The following TTPA variants were observed in gnomAD, a reference collection of about 807,000 sequenced individuals.
TTPA encodes alpha tocopherol transfer protein.
Under a neutral mutation model 25.9 loss-of-function variants are expected in TTPA, and 23 were observed. That is an observed-to-expected ratio of 0.89 (90% CI 0.64 to 1.26). The LOEUF is 1.26. Ranked by LOEUF, TTPA falls within the 50% of genes most tolerant of loss-of-function variation. The probability of loss-of-function intolerance (pLI) is 0.00; values close to 1 mark genes in which losing one functional copy is unlikely to be tolerated. For synonymous variants in TTPA, 148 were observed against 137.3 expected (o/e 1.08, Z -0.54); for missense variants, 337 against 353.1 (o/e 0.95, Z 0.37).
intron 1 of TTPA, among the ~76,000 whole-genome samples, chr8:63,084,292 A>G (rs1202349267): frequency 6.6e-6 from 1 of 152,212 alleles, no homozygotes; most frequent in East Asian, 1.9e-4. Context: ...TATCCTGTAA[A>G]TTTATATTCC....
intron 1 of TTPA, among the ~76,000 whole-genome samples, chr8:63,076,060 T>C (rs1397821939): frequency 6.6e-6 from 1 of 152,226 alleles, no homozygotes; most frequent in Non-Finnish European, 1.5e-5. Flanking sequence ...TGCAGTGTAT[T>C]TGACAGCGCA....
chr8:63,076,570 G>A (rs1428054375), intron 1 of TTPA, among the ~76,000 whole-genome samples: 1 of 152,098 alleles, frequency 6.6e-6, no homozygotes, highest in African/African-American at 2.4e-5. Context: ...CAAGGGCATG[G>A]TACAATGAAA....
At chr8:63,082,312 G>A (rs958049657) in intron 1 of TTPA, among the ~76,000 whole-genome samples, 2 of 152,118 alleles carry the variant, frequency 1.3e-5, no homozygotes, top group African/African-American at 4.8e-5. Flanking sequence ...CAATGGAACA[G>A]AACAGAGGCC....
intron 2 of TTPA, among the ~76,000 whole-genome samples, chr8:63,067,517 A>G (rs986817997): frequency 4.0e-5 from 6 of 151,482 alleles, no homozygotes; most frequent in Admixed American, 2.0e-4. Flanking sequence ...AAAAAAAATC[A>G]TAACTAAGCA....
chr8:63,067,065 A>T (rs1183563253), intron 2 of TTPA, among the ~76,000 whole-genome samples: 1 of 152,134 alleles, frequency 6.6e-6, no homozygotes, highest in East Asian at 1.9e-4. Context: ...AAATTCAAAG[A>T]ATTTTTTTAA....
At chr8:63,081,100 C>CA (rs1805657334) in intron 1 of TTPA, among the ~76,000 whole-genome samples, 1 of 151,718 alleles carries the variant, frequency 6.6e-6, no homozygotes, top group Non-Finnish European at 1.5e-5. Context: ...GAAACTATTC[C>CA]AATCAATAGA....
chr8:63,075,430 A>G (rs981127810), intron 1 of TTPA, among the ~76,000 whole-genome samples: 6 of 152,132 alleles, frequency 3.9e-5, no homozygotes, highest in Admixed American at 3.9e-4. Flanking sequence ...TAAGAAAAGT[A>G]AAGCTCCAGC....
chr8:63,083,372 C>T (rs1342173431), intron 1 of TTPA, among the ~76,000 whole-genome samples: 4 of 152,098 alleles, frequency 2.6e-5, no homozygotes, highest in African/African-American at 9.7e-5. Context: ...TCATTCTCAG[C>T]AACTATCACA....
chr8:63,080,854 A>C (rs956560307), intron 1 of TTPA, among the ~76,000 whole-genome samples: 2 of 151,948 alleles, frequency 1.3e-5, no homozygotes, highest in East Asian at 3.8e-4. Flanking sequence ...CCATCAGAGA[A>C]TACTATAAAC....
intron 1 of TTPA, among the ~76,000 whole-genome samples, chr8:63,085,423 G>A (rs1481776518): frequency 6.6e-6 from 1 of 152,218 alleles, no homozygotes; most frequent in Non-Finnish European, 1.5e-5. Flanking sequence ...GGTCACGTGT[G>A]ATAAGTCTGA....
At chr8:63,083,941 G>A (rs1342678761) in intron 1 of TTPA, among the ~76,000 whole-genome samples, 3 of 150,896 alleles carry the variant, frequency 2.0e-5, no homozygotes, top group South Asian at 2.1e-4. Context: ...CTGTGGTGCA[G>A]TAGCACAATC....
intron 3 of TTPA, among the ~76,000 whole-genome samples, chr8:63,064,976 A>G (rs1483483666): frequency 6.6e-6 from 1 of 152,170 alleles, no homozygotes; most frequent in Non-Finnish European, 1.5e-5. Flanking sequence ...TCTTTTAAAC[A>G]TAATTGCTAA....
At chr8:63,071,703 TG>T (rs35713849) in intron 2 of TTPA, among the ~76,000 whole-genome samples, 3 of 152,112 alleles carry the variant, frequency 2.0e-5, no homozygotes, top group Non-Finnish European at 4.4e-5. Flanking sequence ...CCCTCATGAA[TG>T]GGATTAGTGC....
Position 63,061,827 on chromosome 8 carries a change from A to G in TTPA, c.664-402T>C, listed in dbSNP as rs899522826. Reference sequence around the variant, plus strand: ...TAGCTGGTACTAATTCATATTAAGTAGAAGCATATATCTGAGCACACAATT... The same window carrying G: ...TAGCTGGTACTAATTCATATTAAGTGGAAGCATATATCTGAGCACACAATT... On this transcript the variant is annotated intron_variant, in intron 4 of 4. Coordinates refer to ENST00000260116, the MANE Select transcript of TTPA (RefSeq NM_000370.3). Among the ~76,000 whole-genome samples the G allele has an allele frequency of 1.3e-4, 20 of 152,244 alleles. 1 individual carries two copies.
intron 1 of TTPA, among the ~76,000 whole-genome samples, chr8:63,077,848 A>T (rs1314093117): frequency 6.6e-6 from 1 of 152,144 alleles, no homozygotes; most frequent in Non-Finnish European, 1.5e-5. Flanking sequence ...GAATGGACAG[A>T]CTGCCTCCTC....
chr8:63,085,398 A>C (rs954697296), intron 1 of TTPA, among the ~76,000 whole-genome samples: 1 of 152,170 alleles, frequency 6.6e-6, no homozygotes, highest in East Asian at 1.9e-4. Flanking sequence ...TTTCCCCGCT[A>C]TACGTAGTTA....
chr8:63,080,515 A>ATCAAGACC (rs762851386), intron 1 of TTPA, among the ~76,000 whole-genome samples: 4 of 152,026 alleles, frequency 2.6e-5, no homozygotes, highest in Admixed American at 6.6e-5. Context: ...ACGTCGGGAG[A>ATCAAGACC]TCAAGACCAT....
intron 3 of TTPA, among the ~76,000 whole-genome samples, chr8:63,064,770 T>A (rs1426047176): frequency 6.6e-6 from 1 of 152,208 alleles, no homozygotes. Flanking sequence ...TAATATAGGC[T>A]TATTTAGAAA....
At chr8:63,080,921 T>C (rs1272394160) in intron 1 of TTPA, among the ~76,000 whole-genome samples, 1 of 150,950 alleles carries the variant, frequency 6.6e-6, no homozygotes, top group African/African-American at 2.4e-5. Context: ...CCTGGACACA[T>C]ACACCCTCCC....
Sources: allele counts gnomAD v4.1 joint callset (sites outside exome capture counted in the v4.1 genomes callset), GRCh38; gene constraint gnomAD v4.1.1; transcripts MANE v1.5; gene names NCBI Gene and HGNC (gene_info 2026-07-23, HGNC 2026-07-21).